Variants in CERS3 observed in about 807,000 individuals in gnomAD.
The protein encoded by CERS3 is ceramide synthase 3.
Under a neutral mutation model 50.3 loss-of-function variants are expected in CERS3, and 33 were observed. The ratio of observed to expected loss-of-function variants is 0.66; its 90% CI spans 0.50 to 0.88. CERS3 has a LOEUF of 0.88. Among genes scored for constraint, CERS3 ranks in the 40% least tolerant of loss-of-function variants. The probability of loss-of-function intolerance (pLI) is 0.00; values close to 1 mark genes in which losing one functional copy is unlikely to be tolerated. For missense variants in CERS3, 470 were observed against 460.3 expected (o/e 1.02, Z -0.19); for synonymous variants, 176 against 155.2 (o/e 1.13, Z -0.99).
chr15:100,527,597 G>T (rs1348163003), intron 1 of CERS3, among the ~76,000 whole-genome samples: 28 of 152,234 alleles, frequency 1.8e-4, no homozygotes, highest in Admixed American at 1.8e-3. Context: ...ATCTTAGTGT[G>T]CAGAAATGCA....
At chr15:100,530,103 A>T (rs931727584), upstream of CERS3, among the ~76,000 whole-genome samples, 7 of 152,134 alleles carry the variant, frequency 4.6e-5, no homozygotes, top group African/African-American at 1.7e-4. Flanking sequence ...ATGCATTTTT[A>T]AAACCATCTG....
intron 3 of CERS3, among the ~76,000 whole-genome samples, 161 bp from the exon 4 acceptor site, chr15:100,491,092 A>T (rs2035637485): frequency 6.6e-6 from 1 of 152,080 alleles, no homozygotes; most frequent in African/African-American, 2.4e-5. Context: ...CAAAACAGAA[A>T]AGTTTCAGTC....
chr15:100,456,082 A>G, intron 10 of CERS3, 36 bp from the exon 11 acceptor site: 1 of 1,523,044 alleles, frequency 6.6e-7, no homozygotes, highest in Non-Finnish European at 8.9e-7. Flanking sequence ...TTTCATTACA[A>G]CCAAAGCACC....
chr15:100,465,808 G>A (rs143962300), intron 10 of CERS3, among the ~76,000 whole-genome samples: 7 of 152,036 alleles, frequency 4.6e-5, no homozygotes, highest in Admixed American at 3.3e-4. Context: ...ACTGGCACTC[G>A]CCATCACACC....
chr15:100,530,445 C>G (rs1013796924), upstream of CERS3, among the ~76,000 whole-genome samples: 1 of 152,262 alleles, frequency 6.6e-6, no homozygotes, highest in Non-Finnish European at 1.5e-5. Context: ...TTGCCATGAG[C>G]TGCTCTCTCG....
chr15:100,534,610 A>G (rs1046736621), intron 1 of CERS3, among the ~76,000 whole-genome samples: 6 of 151,756 alleles, frequency 4.0e-5, no homozygotes, highest in Admixed American at 6.6e-5. Context: ...GCTCACTGCG[A>G]TAAATGCACA....
intron 1 of CERS3, among the ~76,000 whole-genome samples, chr15:100,538,646 G>T (rs2037129224): frequency 6.6e-6 from 1 of 152,200 alleles, no homozygotes; most frequent in Non-Finnish European, 1.5e-5. Context: ...CAGGCCCTGG[G>T]CCGAGCCCAC....
intron 2 of CERS3, among the ~76,000 whole-genome samples, chr15:100,506,326 C>T (rs1003786991): frequency 1.3e-5 from 2 of 151,986 alleles, no homozygotes; most frequent in African/African-American, 4.8e-5. Context: ...TAGAAATGGC[C>T]AATAAGCACA....
intron 11 of CERS3, among the ~76,000 whole-genome samples, chr15:100,423,029 A>G (rs1048300465): frequency 2.0e-5 from 3 of 151,424 alleles, no homozygotes; most frequent in African/African-American, 7.3e-5. Flanking sequence ...TGGCACATGT[A>G]TACATATGTA....
intron 11 of CERS3, among the ~76,000 whole-genome samples, chr15:100,411,318 T>C (rs1272605736): frequency 6.6e-6 from 1 of 152,096 alleles, no homozygotes; most frequent in Admixed American, 6.6e-5. Context: ...CCCACCACCA[T>C]GCCCGGCTAA....
intron 1 of CERS3, among the ~76,000 whole-genome samples, chr15:100,538,165 T>A (rs2037116968): frequency 6.6e-6 from 1 of 152,242 alleles, no homozygotes; most frequent in Non-Finnish European, 1.5e-5. Flanking sequence ...CCTGTGGCTT[T>A]GCAGGGTACA....
chr15:100,460,967 A>G (rs1025530183), intron 10 of CERS3, among the ~76,000 whole-genome samples: 5 of 152,214 alleles, frequency 3.3e-5, no homozygotes, highest in Admixed American at 2.6e-4. Flanking sequence ...TCGAGGAGCT[A>G]AAAGAAGACC....
chr15:100,472,983 A>C lies in CERS3; in HGVS notation c.679T>G (p.Tyr227Asp). Residue 227 changes from tyrosine (Y) to aspartate (D), a missense_variant, in exon 9 of 12, where the codon TAT becomes GAT. By Grantham distance (160) the Tyr-to-Asp change is radical (BLOSUM62 -3). Transcript: ENST00000679737. ...SLMSFSWCAN[Y>D]IRSGTLVMIV... is the part of the protein sequence containing the mutation. ...ATCACGAGGGTCCCACTGCGAATAT[A>C]ATTAGCACACCAAGAGAAGCTCATC... The C allele has an allele frequency of 6.2e-7, 1 of 1,613,960 alleles. No homozygotes were observed. The highest frequency in any genetic ancestry group is 1.1e-5 in the South Asian group (1 of 91,082).
chr15:100,455,999 A>T lies in CERS3; in HGVS notation c.893T>A (p.Phe298Tyr), dbSNP rs2034359663. ...LILPMYHLEP[F>Y]FSYIFLNLQL... ...TAGGTTGAGGAAGATGTATGAAAAGAAAGGCTCGAGGTGATACATAGGCAA... is the reference window on the plus strand; with the variant it reads ...TAGGTTGAGGAAGATGTATGAAAAGTAAGGCTCGAGGTGATACATAGGCAA... Residue 298 changes from phenylalanine (F) to tyrosine (Y), a missense_variant, in exon 11 of 12, where the codon TTC (phenylalanine) becomes TAC (tyrosine). By Grantham distance (22) the Phe-to-Tyr change is conservative. Coordinates refer to ENST00000679737, the MANE Select transcript of CERS3 (RefSeq NM_001378789.1). 6.2e-7 allele frequency: 1 copy of T among 1,613,322 alleles called. No individual in the cohort carries two copies. Among genetic ancestry groups the T allele is most frequent in the Non-Finnish European group, 8.5e-7 (1 of 1,179,640 alleles).
intron 11 of CERS3, among the ~76,000 whole-genome samples, chr15:100,416,807 G>A (rs2031947475): frequency 2.0e-5 from 3 of 152,086 alleles, no homozygotes; most frequent in African/African-American, 7.2e-5. Context: ...TTTGAGTGAA[G>A]ACACAGAGCC....
intron 11 of CERS3, among the ~76,000 whole-genome samples, chr15:100,429,040 C>T (rs750509571): frequency 5.9e-5 from 9 of 152,198 alleles, no homozygotes; most frequent in Non-Finnish European, 1.2e-4. Context: ...AAAGGCAGGG[C>T]CTGACCCCAG....
intron 11 of CERS3, among the ~76,000 whole-genome samples, chr15:100,434,943 T>C (rs2033327675): frequency 6.6e-6 from 1 of 152,214 alleles, no homozygotes; most frequent in Non-Finnish European, 1.5e-5. Context: ...GAGTTTCTTG[T>C]ACTTGGTTCT....
intron 11 of CERS3, among the ~76,000 whole-genome samples, chr15:100,430,561 G>A (rs2033073907): frequency 6.6e-6 from 1 of 152,152 alleles, no homozygotes; most frequent in African/African-American, 2.4e-5. Flanking sequence ...TTGCAGAAAT[G>A]TCAAAAGCCC....
At chr15:100,531,602 T>C (rs551459782), upstream of CERS3, among the ~76,000 whole-genome samples, 1 of 152,330 alleles carries the variant, frequency 6.6e-6, no homozygotes, top group South Asian at 2.1e-4. Flanking sequence ...TGATTCCTTT[T>C]TTCTTCTCTT....
Sources: gnomAD v4.1 joint callset for allele counts (sites outside exome capture counted in the v4.1 genomes callset) on GRCh38, gnomAD v4.1.1 for gene constraint, MANE v1.5 for transcripts, NCBI Gene and HGNC (gene_info 2026-07-23, HGNC 2026-07-21) for gene names.